Variants in PIP5K1B observed in about 807,000 individuals in gnomAD.
PIP5K1B encodes the protein phosphatidylinositol 4-phosphate 5-kinase type-1 beta.
PIP5K1B carries 42 observed loss-of-function variants against 67.0 expected under a neutral mutation model. The ratio of observed to expected loss-of-function variants is 0.63; its 90% CI spans 0.49 to 0.81. The LOEUF (loss-of-function observed/expected upper bound fraction) is 0.81, where lower values mean the gene tolerates loss of function less well. Ranked by LOEUF, PIP5K1B falls within the 30% of genes least tolerant of loss-of-function variation. The pLI, the probability that PIP5K1B is intolerant of heterozygous loss-of-function variation, is 0.00. For missense variants in PIP5K1B, 459 were observed against 646.3 expected, an observed-to-expected ratio of 0.71 and a Z score of 3.14; for synonymous variants, 214 against 231.4, an observed-to-expected ratio of 0.92 and a Z score of 0.68.
chr9:68,857,505 ACTT>A (rs1822838158), intron 4 of PIP5K1B, among the ~76,000 whole-genome samples: 1 of 152,066 alleles, frequency 6.6e-6, no homozygotes, highest in South Asian at 2.1e-4. Flanking sequence ...GTGGACTATG[ACTT>A]GTTTCTTGAG....
intron 15 of PIP5K1B, among the ~76,000 whole-genome samples, chr9:69,000,328 A>C (rs1387537137): frequency 6.6e-6 from 1 of 152,184 alleles, no homozygotes; most frequent in Non-Finnish European, 1.5e-5. Context: ...TAACTTTAGT[A>C]GAGAACAGAA....
intron 14 of PIP5K1B, among the ~76,000 whole-genome samples, chr9:68,987,789 G>T (rs1830157487): frequency 1.3e-5 from 2 of 152,068 alleles, no homozygotes; most frequent in South Asian, 4.1e-4. Flanking sequence ...AGCAAAAGCA[G>T]AAACCCCTTA....
At chr9:68,829,311 C>A (rs1834159131) in intron 4 of PIP5K1B, among the ~76,000 whole-genome samples, 1 of 152,152 alleles carries the variant, frequency 6.6e-6, no homozygotes, top group Non-Finnish European at 1.5e-5. Flanking sequence ...TTGTGCTAAG[C>A]AGCAGTTGTC....
intron 14 of PIP5K1B, among the ~76,000 whole-genome samples, chr9:68,980,293 C>T (rs1829835263): frequency 6.6e-6 from 1 of 152,216 alleles, no homozygotes; most frequent in South Asian, 2.1e-4. Flanking sequence ...AATGGGCTTG[C>T]CCTTAAGCAG....
chr9:68,830,558 C>T lies in PIP5K1B; in HGVS notation c.69+7875C>T, dbSNP rs1348610753. Reference sequence around the variant, plus strand: ...TTACCCAGGTTTGTTGTACTTCTGCCTTCTGATTAACTGTAGACTCTCTGT... The same window carrying T: ...TTACCCAGGTTTGTTGTACTTCTGCTTTCTGATTAACTGTAGACTCTCTGT... On this transcript the variant is annotated intron_variant, in intron 4 of 15. Transcript: ENST00000265382. Among the ~76,000 whole-genome samples, 4 of 152,136 alleles carry T rather than the reference C, an allele frequency of 2.6e-5. No individual in the cohort carries two copies. In the East Asian group the frequency reaches 7.7e-4, roughly 29 times the overall value.
At chr9:68,857,782 G>A (rs1170287297) in intron 4 of PIP5K1B, among the ~76,000 whole-genome samples, 1 of 152,144 alleles carries the variant, frequency 6.6e-6, no homozygotes, top group Non-Finnish European at 1.5e-5. Context: ...TGGGAGGATG[G>A]CTTGAGCCCA....
intron 1 of PIP5K1B, among the ~76,000 whole-genome samples, chr9:68,733,118 G>A (rs1039196603): frequency 2.6e-5 from 4 of 152,058 alleles, no homozygotes; most frequent in African/African-American, 9.7e-5. Flanking sequence ...TTGAATTGGT[G>A]GTAACTTATT....
intron 2 of PIP5K1B, among the ~76,000 whole-genome samples, chr9:68,798,500 A>G (rs1357005922): frequency 6.6e-6 from 1 of 152,144 alleles, no homozygotes; most frequent in Non-Finnish European, 1.5e-5. Flanking sequence ...ATGGGCTGAG[A>G]ACTTGAACCA....
At chr9:68,907,314 C>T (rs7019202) in intron 8 of PIP5K1B, among the ~76,000 whole-genome samples, 32,754 of 152,144 alleles carry the variant, frequency 0.22, 4,343 homozygotes, top group African/African-American at 0.38. Context: ...TCCATACTCA[C>T]GCATTCCAGC....
At chr9:68,855,034 A>G (rs1200944234) in intron 4 of PIP5K1B, among the ~76,000 whole-genome samples, 3 of 152,236 alleles carry the variant, frequency 2.0e-5, no homozygotes, top group African/African-American at 7.2e-5. Flanking sequence ...AATATGCTAG[A>G]TCCAGATTTA....
chr9:68,901,735 A>G (rs548833048), intron 8 of PIP5K1B, among the ~76,000 whole-genome samples: 1 of 152,380 alleles, frequency 6.6e-6, no homozygotes, highest in African/African-American at 2.4e-5. Flanking sequence ...TCATAGAATC[A>G]AAGATTGTTC....
chr9:69,004,321 GTGTGTGTGTGTGTTTT>G (rs1830961802), intron 15 of PIP5K1B, among the ~76,000 whole-genome samples: 1 of 109,022 alleles, frequency 9.2e-6, no homozygotes, highest in African/African-American at 3.1e-5. Flanking sequence ...CTTTGTGGGC[GTGTGTGTGTGTGTTTT>G]TGTGTGTGTG....
chr9:68,844,395 A>T (rs1398118618), intron 4 of PIP5K1B, among the ~76,000 whole-genome samples: 1 of 152,216 alleles, frequency 6.6e-6, no homozygotes, highest in Non-Finnish European at 1.5e-5. Context: ...TCTATTGAGC[A>T]ATCAACTATG....
intron 2 of PIP5K1B, among the ~76,000 whole-genome samples, chr9:68,807,563 G>T (rs1281623363): frequency 6.6e-6 from 1 of 152,178 alleles, no homozygotes; most frequent in Non-Finnish European, 1.5e-5. Flanking sequence ...GGGGCATATA[G>T]GGGATCTGTG....
At chr9:68,925,795 A>ATTTTCTTTTTTTTT (rs1826660714) in intron 12 of PIP5K1B, among the ~76,000 whole-genome samples, 1 of 73,296 alleles carries the variant, frequency 1.4e-5, no homozygotes, top group African/African-American at 5.7e-5. Context: ...TGTGGTTCCA[A>ATTTTCTTTTTTTTT]TTTTTTTTTT....
At chr9:68,915,193 T>C (rs1289166281) in intron 8 of PIP5K1B, among the ~76,000 whole-genome samples, 1 of 152,188 alleles carries the variant, frequency 6.6e-6, no homozygotes, top group Non-Finnish European at 1.5e-5. Flanking sequence ...ACAGAGTCCA[T>C]GCTCTTCATC....
intron 4 of PIP5K1B, among the ~76,000 whole-genome samples, chr9:68,828,682 G>T (rs983049392): frequency 2.0e-5 from 3 of 152,174 alleles, no homozygotes; most frequent in Non-Finnish European, 4.4e-5. Context: ...TTAAATACAG[G>T]GTCTTTTATA....
chr9:68,879,968 T>C (rs981756304), intron 6 of PIP5K1B, among the ~76,000 whole-genome samples: 1 of 152,252 alleles, frequency 6.6e-6, no homozygotes, highest in African/African-American at 2.4e-5. Flanking sequence ...TACAATTTTA[T>C]TTATCAATTC....
chr9:68,813,355 G>A (rs902929322), intron 2 of PIP5K1B, among the ~76,000 whole-genome samples: 6 of 152,220 alleles, frequency 3.9e-5, no homozygotes, highest in Admixed American at 2.0e-4. Context: ...TGGAAGAGAC[G>A]TGTTGACTAT....
Sources: allele counts gnomAD v4.1 joint callset (sites outside exome capture counted in the v4.1 genomes callset), GRCh38; gene constraint gnomAD v4.1.1; transcripts MANE v1.5; gene names NCBI Gene and HGNC (gene_info 2026-07-23, HGNC 2026-07-21).